Variants in ASIC2 observed in about 807,000 individuals in gnomAD.
ASIC2 encodes acid sensing ion channel subunit 2, also known as acid-sensing ion channel 2.
ASIC2 carries 25 observed loss-of-function variants against 57.3 expected under a neutral mutation model. The ratio of observed to expected loss-of-function variants is 0.44; its 90% CI spans 0.32 to 0.61. The LOEUF is 0.61. ASIC2 is among the 20% of genes least tolerant of loss of function. The probability of loss-of-function intolerance (pLI) is 0.06; values close to 1 mark genes in which losing one functional copy is unlikely to be tolerated. For missense variants in ASIC2, 641 were observed against 738.1 expected, an observed-to-expected ratio of 0.87 and a Z score of 1.52; for synonymous variants, 319 against 307.5, an observed-to-expected ratio of 1.04 and a Z score of -0.39.
intron 1 of ASIC2, among the ~76,000 whole-genome samples, chr17:33,329,330 A>C (rs1907209662): frequency 6.6e-6 from 1 of 152,198 alleles, no homozygotes; most frequent in Admixed American, 6.5e-5. Context: ...AGTGGTAGCC[A>C]TTAGTGTGAT....
At chr17:33,825,597 C>T (rs1183176800) in intron 1 of ASIC2, among the ~76,000 whole-genome samples, 1 of 152,222 alleles carries the variant, frequency 6.6e-6, no homozygotes, top group East Asian at 1.9e-4. Context: ...CTGAGGATCT[C>T]CATCTTGCTA....
At chr17:33,820,146 ATC>A (rs1912702977) in intron 1 of ASIC2, among the ~76,000 whole-genome samples, 1 of 152,212 alleles carries the variant, frequency 6.6e-6, no homozygotes, top group African/African-American at 2.4e-5. Context: ...TTCAAATTTC[ATC>A]TCTTTTTAAT....
intron 1 of ASIC2, among the ~76,000 whole-genome samples, chr17:33,815,803 C>A (rs1196538110): frequency 6.6e-6 from 1 of 152,158 alleles, no homozygotes; most frequent in Non-Finnish European, 1.5e-5. Flanking sequence ...TGCATCTACT[C>A]CAATCCTCTC....
At chr17:33,825,178 C>T (rs1286074125) in intron 1 of ASIC2, among the ~76,000 whole-genome samples, 2 of 152,198 alleles carry the variant, frequency 1.3e-5, no homozygotes, top group Non-Finnish European at 2.9e-5. Context: ...ACCTTGCCTC[C>T]TTCCCTCTAA....
intron 1 of ASIC2, among the ~76,000 whole-genome samples, chr17:33,842,646 G>T (rs974425587): frequency 5.9e-5 from 9 of 152,130 alleles, no homozygotes; most frequent in African/African-American, 2.2e-4. Flanking sequence ...GAAGGAGGAG[G>T]TGATTGTCTT....
intron 1 of ASIC2, among the ~76,000 whole-genome samples, chr17:33,389,818 T>A (rs1236197192): frequency 6.6e-6 from 1 of 152,164 alleles, no homozygotes; most frequent in Non-Finnish European, 1.5e-5. Context: ...GATGATAAGA[T>A]GAGTTTGGGG....
intron 1 of ASIC2, among the ~76,000 whole-genome samples, chr17:33,782,997 C>A (rs1911502044): frequency 6.6e-6 from 1 of 152,208 alleles, no homozygotes; most frequent in South Asian, 2.1e-4. Context: ...GGCTCCTGGG[C>A]TTCTCCCATG....
At chr17:33,561,719 G>A (rs1372741025) in intron 1 of ASIC2, among the ~76,000 whole-genome samples, 1 of 148,264 alleles carries the variant, frequency 6.7e-6, no homozygotes, top group Non-Finnish European at 1.5e-5. Flanking sequence ...AAGAAGAGCA[G>A]GCAGGAGCCT....
chr17:33,604,999 C>T (rs1340953291), intron 1 of ASIC2, among the ~76,000 whole-genome samples: 1 of 151,334 alleles, frequency 6.6e-6, no homozygotes, highest in East Asian at 1.9e-4. Context: ...GCCCTACACA[C>T]ATATATTACT....
At chr17:33,787,148 G>A (rs1911624199) in intron 1 of ASIC2, among the ~76,000 whole-genome samples, 1 of 152,162 alleles carries the variant, frequency 6.6e-6, no homozygotes, top group Non-Finnish European at 1.5e-5. Context: ...GCTCACAAAA[G>A]GCAGTTTCTC....
Position 33,914,606 on chromosome 17 carries a change from G to A in ASIC2, c.555+241372C>T, listed in dbSNP as rs556890086. Among the ~76,000 whole-genome samples, 6 of 152,282 alleles carry A rather than the reference G, an allele frequency of 3.9e-5. No homozygotes were observed. The East Asian group carries it at 1.2e-3, about 29-fold the overall frequency. On this transcript the variant is annotated intron_variant, in intron 1 of 9. Coordinates refer to the ASIC2 transcript ENST00000359872. ...CGACCAAGAATGAAGGCCATATGGG[G>A]CCACCTGGATGTGGGGTGGCACATA... is the stretch of plus-strand genomic sequence containing the variant.
chr17:33,674,518 C>T (rs557365787), intron 1 of ASIC2, among the ~76,000 whole-genome samples: 1 of 152,334 alleles, frequency 6.6e-6, no homozygotes, highest in East Asian at 1.9e-4. Context: ...TTAGCACTTG[C>T]TCTGTGTCAG....
At chr17:33,512,028 T>C (rs1053359840) in intron 1 of ASIC2, among the ~76,000 whole-genome samples, 1 of 152,200 alleles carries the variant, frequency 6.6e-6, no homozygotes, top group African/African-American at 2.4e-5. Flanking sequence ...ATCTTATTTT[T>C]ATTTCTGGGT....
At chr17:33,396,992 T>G (rs944537493) in intron 1 of ASIC2, among the ~76,000 whole-genome samples, 3 of 152,224 alleles carry the variant, frequency 2.0e-5, no homozygotes, top group African/African-American at 7.2e-5. Flanking sequence ...TTCTGACTCA[T>G]CTTTCACGGC....
chr17:33,597,866 A>T (rs1425255088), intron 1 of ASIC2, among the ~76,000 whole-genome samples: 1 of 152,170 alleles, frequency 6.6e-6, no homozygotes, highest in East Asian at 1.9e-4. Flanking sequence ...GCTGTTTGTA[A>T]CATCTATTTT....
intron 1 of ASIC2, among the ~76,000 whole-genome samples, chr17:33,491,951 T>G (rs1913773911): frequency 4.6e-5 from 7 of 152,222 alleles, no homozygotes; most frequent in Admixed American, 4.6e-4. Flanking sequence ...AGGAAAGAGC[T>G]GAGCAAGTCT....
chr17:33,233,205 C>G (rs1908172980), intron 1 of ASIC2, among the ~76,000 whole-genome samples: 1 of 150,696 alleles, frequency 6.6e-6, no homozygotes, highest in Admixed American at 6.7e-5. Context: ...TTGAAGACAG[C>G]TACACTAGAT....
intron 1 of ASIC2, among the ~76,000 whole-genome samples, chr17:33,187,598 A>T (rs139283637): frequency 6.6e-6 from 1 of 152,334 alleles, no homozygotes; most frequent in East Asian, 1.9e-4. Context: ...TGTATGGGCC[A>T]CATGCTTCTG....
chr17:33,773,383 C>T (rs1424113104), intron 1 of ASIC2, among the ~76,000 whole-genome samples: 3 of 152,176 alleles, frequency 2.0e-5, no homozygotes, highest in Non-Finnish European at 2.9e-5. Context: ...AGGGAGACTG[C>T]TGCTCAACTG....
Sources: gnomAD v4.1 joint callset for allele counts (sites outside exome capture counted in the v4.1 genomes callset) on GRCh38, gnomAD v4.1.1 for gene constraint, MANE v1.5 for transcripts, NCBI Gene and HGNC (gene_info 2026-07-23, HGNC 2026-07-21) for gene names.